The following CSNK2A2IP variants were observed in gnomAD, a reference collection of about 807,000 sequenced individuals.
CSNK2A2IP encodes the protein casein kinase 2 subunit alpha' interacting protein.
At chr3:88,461,313 G>A in the CSNK2A2IP span, among the ~76,000 whole-genome samples, 1 of 152,084 alleles carries the variant, frequency 6.6e-6, no homozygotes, top group Non-Finnish European at 1.5e-5. Context: ...CAGCAGTTTG[G>A]GAGGCCGAGG....
the CSNK2A2IP span, among the ~76,000 whole-genome samples, chr3:88,379,485 T>C: frequency 6.6e-6 from 1 of 152,154 alleles, no homozygotes; most frequent in African/African-American, 2.4e-5. Flanking sequence ...ATAGTAGTGA[T>C]AATTCTGCTT....
the CSNK2A2IP span, among the ~76,000 whole-genome samples, chr3:88,455,479 A>G: frequency 1.3e-5 from 2 of 151,964 alleles, no homozygotes; most frequent in Non-Finnish European, 1.5e-5. Flanking sequence ...ATCTTTTCAT[A>G]TACCTGCTGA....
the CSNK2A2IP span, among the ~76,000 whole-genome samples, chr3:88,458,537 TTATC>T: frequency 6.6e-6 from 1 of 152,218 alleles, no homozygotes; most frequent in African/African-American, 2.4e-5. Flanking sequence ...ATATACTTGA[TTATC>T]TAGTTTCCAT....
the CSNK2A2IP span, among the ~76,000 whole-genome samples, chr3:88,425,963 A>G: frequency 6.6e-6 from 1 of 152,208 alleles, no homozygotes; most frequent in Non-Finnish European, 1.5e-5. Context: ...ACTAAAATTC[A>G]TTTATTCTAC....
the CSNK2A2IP span, among the ~76,000 whole-genome samples, chr3:88,345,924 G>A: frequency 3.9e-5 from 6 of 152,004 alleles, no homozygotes; most frequent in Non-Finnish European, 8.8e-5. Context: ...TAGGCCTCTT[G>A]CAGCAAACAG....
chr3:88,390,513 G>T, the CSNK2A2IP span, among the ~76,000 whole-genome samples: 1 of 152,076 alleles, frequency 6.6e-6, no homozygotes, highest in African/African-American at 2.4e-5. Flanking sequence ...TCCAATGAGA[G>T]GTCTTCTCTG....
the CSNK2A2IP span, among the ~76,000 whole-genome samples, chr3:88,396,068 C>G: frequency 2.7e-5 from 4 of 149,072 alleles, no homozygotes; most frequent in African/African-American, 9.8e-5. Flanking sequence ...ATAAAAGAGT[C>G]ACATATTAAG....
the CSNK2A2IP span, among the ~76,000 whole-genome samples, chr3:88,385,922 A>G: frequency 6.6e-6 from 1 of 152,184 alleles, no homozygotes; most frequent in Admixed American, 6.5e-5. Context: ...AGTCAATAGG[A>G]AACAGGAAGG....
chr3:88,388,814 T>C, the CSNK2A2IP span, among the ~76,000 whole-genome samples: 2 of 152,168 alleles, frequency 1.3e-5, no homozygotes, highest in South Asian at 2.1e-4. Flanking sequence ...TTAGCCACAA[T>C]GAGGTCTTCC....
At chr3:88,358,867 C>T in the CSNK2A2IP span, among the ~76,000 whole-genome samples, 1 of 151,684 alleles carries the variant, frequency 6.6e-6, no homozygotes, top group Non-Finnish European at 1.5e-5. Context: ...GAAAGTATTT[C>T]CTCCTCCTGG....
At chr3:88,425,943 T>C in the CSNK2A2IP span, among the ~76,000 whole-genome samples, 1 of 152,168 alleles carries the variant, frequency 6.6e-6, no homozygotes. Flanking sequence ...GGGAAGTCAG[T>C]GAGGCATTCA....
chr3:88,386,210 C>G, the CSNK2A2IP span, among the ~76,000 whole-genome samples: 2 of 151,950 alleles, frequency 1.3e-5, no homozygotes, highest in Non-Finnish European at 2.9e-5. Context: ...CTGCAACCTC[C>G]ATCTCCCAGG....
the CSNK2A2IP span, among the ~76,000 whole-genome samples, chr3:88,430,061 G>A: frequency 6.6e-6 from 1 of 151,962 alleles, no homozygotes; most frequent in African/African-American, 2.4e-5. Context: ...GCGCCCGGCC[G>A]AGTAGGAACA....
At chr3:88,359,836 T>C in the CSNK2A2IP span, among the ~76,000 whole-genome samples, 66,644 of 151,986 alleles carry the variant, frequency 0.44, 15,875 homozygotes, top group South Asian at 0.62. Flanking sequence ...AATGTGTATT[T>C]TGTGGCTGTT....
the CSNK2A2IP span, among the ~76,000 whole-genome samples, chr3:88,444,874 T>A: frequency 6.4e-3 from 977 of 152,314 alleles, 21 homozygotes; most frequent in Non-Finnish European, 4.5e-3. Flanking sequence ...ATAAGGTTCT[T>A]CCCTTTGTTT....
chr3:88,452,669 T>C, the CSNK2A2IP span, among the ~76,000 whole-genome samples: 1 of 152,250 alleles, frequency 6.6e-6, no homozygotes, highest in Non-Finnish European at 1.5e-5. Flanking sequence ...GAATAGAGAA[T>C]TGTAGAGCTC....
chr3:88,371,776 C>T, the CSNK2A2IP span, among the ~76,000 whole-genome samples: 1 of 151,494 alleles, frequency 6.6e-6, no homozygotes, highest in Admixed American at 6.6e-5. Context: ...GAGAATCAAA[C>T]ATTAAATGGA....
At chr3:88,424,920 G>A in the CSNK2A2IP span, among the ~76,000 whole-genome samples, 22 of 151,810 alleles carry the variant, frequency 1.4e-4, no homozygotes, top group Non-Finnish European at 2.1e-4. Flanking sequence ...GACAGCCTAA[G>A]GAATGAATCT....
the CSNK2A2IP span, among the ~76,000 whole-genome samples, chr3:88,354,353 C>T: frequency 6.6e-6 from 1 of 152,152 alleles, no homozygotes. Flanking sequence ...GCATGATAAG[C>T]ACTCAATAAG....
Sources: allele counts gnomAD v4.1 joint callset (sites outside exome capture counted in the v4.1 genomes callset), GRCh38; gene constraint gnomAD v4.1.1; transcripts MANE v1.5; gene names NCBI Gene and HGNC (gene_info 2026-07-23, HGNC 2026-07-21).